The following COL12A1 variants were observed in gnomAD, a reference collection of about 807,000 sequenced individuals.
COL12A1 encodes the protein collagen alpha-1(XII) chain.
COL12A1 carries 114 observed loss-of-function variants against 349.7 expected under a neutral mutation model. The observed-to-expected ratio is 0.33, with a 90% CI of 0.28 to 0.38. COL12A1 has a LOEUF of 0.38. Among genes scored for constraint, COL12A1 ranks in the 10% least tolerant of loss-of-function variants. The pLI is 1.00. For missense variants in COL12A1, 3,284 were observed against 3,756.9 expected, an observed-to-expected ratio of 0.87 and a Z score of 3.29; for synonymous variants, 1,369 against 1,329.0, an observed-to-expected ratio of 1.03 and a Z score of -0.66.
chr6:75,113,840 T>G, intron 49 of COL12A1, 96 bp from the exon 50 acceptor site: 1 of 933,746 alleles, frequency 1.1e-6, no homozygotes, highest in South Asian at 2.7e-5. Flanking sequence ...ACAGATACTC[T>G]TTTAAATCTT....
chr6:75,143,523 G>A (rs1767017946), intron 25 of COL12A1, 135 bp from the exon 26 acceptor site: 9 of 886,476 alleles, frequency 1.0e-5, no homozygotes. Context: ...AAATGATTAT[G>A]ATGATAAAAG....
Position 75,194,919 on chromosome 6 carries a change from T to C in COL12A1, c.102A>G (p.Lys34=), listed in dbSNP as rs1562320768. Residue 34 remains lysine (K), a synonymous_variant, in exon 3 of 66, where the codon AAA becomes AAG. Coordinates refer to ENST00000322507, the MANE Select transcript of COL12A1 (RefSeq NM_004370.6). ...TATGAACAGTATTTTCATCTATAATTTTAAAATTCAAGTCTGAAGGTGGGT... is the reference window on the plus strand; with the variant it reads ...TATGAACAGTATTTTCATCTATAATCTTAAAATTCAAGTCTGAAGGTGGGT... The part of the protein sequence containing the change: ...EVDPPSDLNF[K]IIDENTVHMS... The C allele has an allele frequency of 6.2e-7, 1 of 1,607,558 alleles. No homozygotes were observed.
chr6:75,137,264 A>G (rs1275151908), intron 31 of COL12A1, among the ~76,000 whole-genome samples, 173 bp downstream of exon 31: 2 of 152,176 alleles, frequency 1.3e-5, no homozygotes, highest in Non-Finnish European at 2.9e-5. Context: ...TTGAGTCTCC[A>G]TGATGGCAAT....
In COL12A1 at chr6:75,133,845, A is replaced by T. The variant is rs757082985; in HGVS notation, c.5664+13T>A. The T allele has an allele frequency of 6.2e-7, 1 of 1,613,256 alleles. No homozygotes were observed. The highest frequency in any genetic ancestry group is 1.7e-5 in the Admixed American group (1 of 59,748). On this transcript the variant is annotated intron_variant, in intron 33 of 65. Coordinates refer to ENST00000322507, the MANE Select transcript of COL12A1 (RefSeq NM_004370.6). ...TAAACAAACTAGCATTTTTTACTACAAGAAATAATTACCAGTTCCTCTGGA... is the reference window on the plus strand; with the variant it reads ...TAAACAAACTAGCATTTTTTACTACTAGAAATAATTACCAGTTCCTCTGGA...
At chr6:75,089,669 G>A (rs748731144) in intron 63 of COL12A1, among the ~76,000 whole-genome samples, 2 of 152,118 alleles carry the variant, frequency 1.3e-5, no homozygotes, top group African/African-American at 4.8e-5. Context: ...TTCAACTGCA[G>A]TTATCTATAC....
chr6:75,118,040 T>A lies in COL12A1; in HGVS notation c.7355-494A>T, dbSNP rs116177919. 3.8e-3 allele frequency among the ~76,000 whole-genome samples: 580 copies of A among 152,080 alleles called. 3 individuals are homozygous for A. The highest frequency in any genetic ancestry group is 0.013 in the African/African-American group (551 of 41,488). Reference sequence around the variant, plus strand: ...CTGGCAACAGACGGGCTATGACAAATAAGCAAATTTAGGCTATGACAAATA... The same window carrying A: ...CTGGCAACAGACGGGCTATGACAAAAAAGCAAATTTAGGCTATGACAAATA... On this transcript the variant is annotated intron_variant, in intron 46 of 65. Coordinates refer to ENST00000322507, the MANE Select transcript of COL12A1 (RefSeq NM_004370.6).
chr6:75,117,895 G>A (rs1245568830), intron 46 of COL12A1, among the ~76,000 whole-genome samples: 1 of 152,122 alleles, frequency 6.6e-6, no homozygotes, highest in Non-Finnish European at 1.5e-5. Flanking sequence ...AAGCTTATGT[G>A]ACTCAGAAGT....
At chr6:75,186,357 A>G (rs556167449) in intron 8 of COL12A1, among the ~76,000 whole-genome samples, 1 of 152,324 alleles carries the variant, frequency 6.6e-6, no homozygotes, top group Non-Finnish European at 1.5e-5. Context: ...GTCAACAATC[A>G]TACAAAAAAA....
In COL12A1 at chr6:75,133,960, G is replaced by T. The variant is rs543663005; in HGVS notation, c.5562C>A (p.Asp1854Glu). ...GGACATTCAAGGTGCTGGTAGAAGG[G>T]TCATACACTCTCAGGTTCCTTACAG... is the stretch of plus-strand genomic sequence containing the variant. ...LNTVRNLRVY[D>E]PSTSTLNVRW... The change falls in exon 33 of 66, where the codon GAC becomes GAA. Residue 1854 changes from aspartate to glutamate, a missense_variant. Physicochemically the swap from Asp to Glu is conservative, Grantham distance 45 (BLOSUM62 2). Around this residue, in one of 2 missense-constraint regions of COL12A1, gnomAD observed 2,601 missense variants for 2,824.8 expected, o/e 0.92. Transcript: ENST00000322507. 6.2e-7 allele frequency: 1 copy of T among 1,613,976 alleles called. No individual in the cohort carries two copies. Among genetic ancestry groups the T allele is most frequent in the South Asian group, 1.1e-5 (1 of 91,064 alleles).
In COL12A1 at chr6:75,154,401, A is replaced by C; in HGVS notation, c.3565+15T>G. Reference sequence around the variant, plus strand: ...CTAAGTTGTTTTCCTCAAGGAATGTAACTCAATTTCTTACCAGAAGATAAA... The same window carrying C: ...CTAAGTTGTTTTCCTCAAGGAATGTCACTCAATTTCTTACCAGAAGATAAA... On this transcript the variant is annotated intron_variant, in intron 17 of 65. Transcript: ENST00000322507. 6.2e-7 allele frequency: 1 copy of C among 1,607,486 alleles called. No individual in the cohort carries two copies. Among genetic ancestry groups the C allele is most frequent in the Non-Finnish European group, 8.5e-7 (1 of 1,176,058 alleles).
chr6:75,134,943 GT>G (rs1256207201), intron 31 of COL12A1, 88 bp from the exon 32 acceptor site: 20 of 1,385,442 alleles, frequency 1.4e-5, no homozygotes, highest in Non-Finnish European at 1.8e-5. Context: ...CAGGGAAGCT[GT>G]TTGAGACCCT....
At chr6:75,149,031 C>T in intron 21 of COL12A1, among the ~76,000 whole-genome samples, 1 of 152,110 alleles carries the variant, frequency 6.6e-6, no homozygotes, top group East Asian at 1.9e-4. Flanking sequence ...TAAGACCTCC[C>T]TTGCTCTTCC....
Position 75,119,025 on chromosome 6 carries a change from A to G in COL12A1, c.7354+18T>C. 1 of 1,611,916 alleles carries G rather than the reference A, an allele frequency of 6.2e-7. No individual in the cohort carries two copies. The highest frequency in any genetic ancestry group is 8.5e-7 in the Non-Finnish European group (1 of 1,179,246). On this transcript the variant is annotated intron_variant, in intron 46 of 65. Transcript: ENST00000322507. ...ATGTTAAAATTTCAAGTGCAATCAA[A>G]TTCATGTATGTGCTTGCCTGACTGC... is the stretch of plus-strand genomic sequence containing the variant.
intron 13 of COL12A1, among the ~76,000 whole-genome samples, chr6:75,171,334 C>A (rs1174077999): frequency 6.6e-6 from 1 of 152,164 alleles, no homozygotes; most frequent in East Asian, 1.9e-4. Context: ...TACAGCCAAC[C>A]ATGAACTTCC....
chr6:75,096,689 G>A (rs941628533), intron 59 of COL12A1, among the ~76,000 whole-genome samples: 44 of 152,292 alleles, frequency 2.9e-4, no homozygotes, highest in Middle Eastern at 3.4e-3. Context: ...GAGGTCAGGA[G>A]ATCGAGACCA....
Position 75,124,072 on chromosome 6 carries a change from T to C in COL12A1, c.6747A>G (p.Thr2249=), listed in dbSNP as rs1254008821. 2.5e-6 allele frequency: 4 copies of C among 1,613,446 alleles called. No individual in the cohort carries two copies. Among genetic ancestry groups the C allele is most frequent in the South Asian group, 1.1e-5 (1 of 91,046 alleles). The change falls in exon 42 of 66, where the codon ACA becomes ACG. Residue 2249 remains threonine (T), a synonymous_variant. Transcript: ENST00000322507. Reference sequence around the variant, plus strand: ...AGTGACTGGTTTCTGATCCACGCACTGTAATTTCTTGTCCCCTTGTTCCTG... The same window carrying C: ...AGTGACTGGTTTCTGATCCACGCACCGTAATTTCTTGTCCCCTTGTTCCTG... ...PADGTRGQEI[T]VRGSETSHCF...
intron 43 of COL12A1, among the ~76,000 whole-genome samples, chr6:75,122,177 C>A (rs2149370829): frequency 6.6e-6 from 1 of 152,290 alleles, no homozygotes; most frequent in Middle Eastern, 3.4e-3. Flanking sequence ...CCACTAGAAT[C>A]ATATGCAGGA....
intron 28 of COL12A1, 31 bp from the exon 29 acceptor site, chr6:75,138,611 G>A (rs558016641): frequency 8.1e-6 from 13 of 1,608,712 alleles, no homozygotes; most frequent in Admixed American, 1.7e-5. Context: ...ACATACCCAC[G>A]CAAAAGTAAG....
chr6:75,119,570 T>G lies in COL12A1; in HGVS notation c.7087-97A>C. 1.2e-5 allele frequency: 17 copies of G among 1,418,882 alleles called. 2 individuals are homozygous for G. The South Asian group carries it at 2.3e-4, about 19-fold the overall frequency. 87.9% of individuals were successfully genotyped at this position (1,418,882 alleles called of 1,614,324 possible). A position where few individuals can be genotyped will look rare whatever the true frequency, so the allele number is the denominator to read the frequency against. On this transcript the variant is annotated intron_variant, in intron 44 of 65. Coordinates refer to ENST00000322507, the MANE Select transcript of COL12A1 (RefSeq NM_004370.6). ...TAGCTGCGGAATAAAGCGGTGGGGGTGTAAAAAGTATCTCAGACCTGATAG... is the reference window on the plus strand; with the variant it reads ...TAGCTGCGGAATAAAGCGGTGGGGGGGTAAAAAGTATCTCAGACCTGATAG...
Sources: gnomAD v4.1 joint callset for allele counts (sites outside exome capture counted in the v4.1 genomes callset) on GRCh38, gnomAD v4.1.1 for gene constraint, gnomAD v4.1.1 regional missense constraint, MANE v1.5 for transcripts, NCBI Gene and HGNC (gene_info 2026-07-23, HGNC 2026-07-21) for gene names.